Variants in ATP7B observed in about 807,000 individuals in gnomAD.
ATP7B encodes copper-transporting ATPase 2.
A neutral mutation model predicts 118.9 loss-of-function variants in ATP7B; 113 were observed. The ratio of observed to expected loss-of-function variants is 0.95; its 90% CI spans 0.82 to 1.11. The LOEUF is 1.11. Ranked by LOEUF, ATP7B falls within the 50% of genes most tolerant of loss-of-function variation. The pLI is 0.00. For synonymous variants in ATP7B, 777 were observed against 727.4 expected, an observed-to-expected ratio of 1.07 and a Z score of -1.10; for missense variants, 1,867 against 1,871.4, an observed-to-expected ratio of 1.00 and a Z score of 0.04.
chr13:51,957,478 G>C, intron 9 of ATP7B, 38 bp downstream of exon 9: 1 of 1,581,872 alleles, frequency 6.3e-7, no homozygotes, highest in Non-Finnish European at 8.7e-7. Context: ...CAGATTGATA[G>C]ATACCAACCA....
intron 11 of ATP7B, 63 bp downstream of exon 11, chr13:51,949,944 G>T: frequency 6.2e-7 from 1 of 1,613,054 alleles, no homozygotes; most frequent in Non-Finnish European, 8.5e-7. Context: ...TGATTTCCCA[G>T]AACTCTTCAC....
chr13:51,940,132 C>T (rs1957240716), intron 16 of ATP7B, among the ~76,000 whole-genome samples: 1 of 150,224 alleles, frequency 6.7e-6, no homozygotes, highest in African/African-American at 2.4e-5. Flanking sequence ...CCTGCCTCAG[C>T]CTCCCAAGTA....
At chr13:52,003,405 C>T (rs1953615205) in intron 1 of ATP7B, among the ~76,000 whole-genome samples, 1 of 152,122 alleles carries the variant, frequency 6.6e-6, no homozygotes, top group African/African-American at 2.4e-5. Context: ...AGAATGTACA[C>T]ATTTATAGAT....
chr13:51,996,983 G>A (rs1356458772), intron 1 of ATP7B, among the ~76,000 whole-genome samples: 1 of 152,228 alleles, frequency 6.6e-6, no homozygotes, highest in Admixed American at 6.5e-5. Flanking sequence ...TGATGCTAAA[G>A]GCCTTGAGCC....
chr13:51,937,327 T>G lies in ATP7B; in HGVS notation c.3970A>C (p.Asn1324His). The G allele has an allele frequency of 6.2e-7, 1 of 1,614,220 alleles. No individual in the cohort carries two copies. The highest frequency in any genetic ancestry group is 8.5e-7 in the Non-Finnish European group (1 of 1,180,038). The stretch of plus-strand genomic sequence containing the variant: ...TTATAAATCAGTGCCAGGACCAGGT[T>G]GATGCGTATCCTTCGGACAGTCCTC... ...SKRTVRRIRI[N>H]LVLALIYNLV... The change falls in exon 19 of 21, where the codon AAC becomes CAC. Residue 1324 changes from asparagine to histidine, a missense_variant. Coordinates refer to ENST00000242839, the MANE Select transcript of ATP7B (RefSeq NM_000053.4).
At chr13:51,989,555 TAAAAAC>T (rs2140346789) in intron 1 of ATP7B, among the ~76,000 whole-genome samples, 1 of 151,842 alleles carries the variant, frequency 6.6e-6, no homozygotes, top group East Asian at 1.9e-4. Flanking sequence ...TGAGTAAAAT[TAAAAAC>T]AAAATTAACA....
At chr13:51,987,237 C>G (rs150661149) in intron 1 of ATP7B, among the ~76,000 whole-genome samples, 1 of 152,174 alleles carries the variant, frequency 6.6e-6, no homozygotes, top group Non-Finnish European at 1.5e-5. Context: ...GATACAAAAT[C>G]AATGTGCAAA....
Position 51,937,367 on chromosome 13 carries a change from G to C in ATP7B, c.3930C>G (p.Ser1310Arg), listed in dbSNP as rs749380700. ...IRNDLLDVVA[S>R]IHLSKRTVRR... The stretch of plus-strand genomic sequence containing the variant: ...GGACAGTCCTCTTGGAAAGGTGAAT[G>C]CTAGCCACCACATCCAGCAAATCAT... Residue 1310 changes from serine (S) to arginine (R), a missense_variant, in exon 19 of 21, where the codon AGC becomes AGG. By Grantham distance (110) the Ser-to-Arg change is moderately radical. Transcript: ENST00000242839. 6.2e-7 allele frequency: 1 copy of C among 1,614,244 alleles called. No homozygotes were observed. Among genetic ancestry groups the C allele is most frequent in the Non-Finnish European group, 8.5e-7 (1 of 1,180,048 alleles).
intron 12 of ATP7B, among the ~76,000 whole-genome samples, chr13:51,948,579 C>T (rs191236338): frequency 2.0e-5 from 3 of 152,276 alleles, no homozygotes; most frequent in Non-Finnish European, 2.9e-5. Flanking sequence ...GTGCTACTGA[C>T]ATTTGGGGCC....
At chr13:51,941,054 CGGAA>C in intron 16 of ATP7B, 23 bp downstream of exon 16, 1 of 1,613,932 alleles carries the variant, frequency 6.2e-7, no homozygotes, top group Non-Finnish European at 8.5e-7. Flanking sequence ...TCTGAGAGAG[CGGAA>C]GGAAGGCAGA....
intron 1 of ATP7B, among the ~76,000 whole-genome samples, chr13:52,011,044 A>G (rs1954004791): frequency 6.6e-6 from 1 of 152,230 alleles, no homozygotes; most frequent in African/African-American, 2.4e-5. Context: ...CTCCAGCATC[A>G]GACCCCTTAA....
intron 5 of ATP7B, among the ~76,000 whole-genome samples, chr13:51,963,452 G>A (rs557587296): frequency 1.3e-5 from 2 of 152,014 alleles, no homozygotes; most frequent in African/African-American, 4.8e-5. Context: ...AAGCTTTCCC[G>A]GGGCTAGGCA....
intron 9 of ATP7B, among the ~76,000 whole-genome samples, chr13:51,956,037 G>C (rs537106349): frequency 6.6e-6 from 1 of 152,218 alleles, no homozygotes; most frequent in East Asian, 1.9e-4. Flanking sequence ...GCTGCCTCAC[G>C]GAACAGCTAC....
chr13:51,966,846 G>A, intron 4 of ATP7B: 8 of 1,613,230 alleles, frequency 5.0e-6, no homozygotes, highest in Non-Finnish European at 6.8e-6. Flanking sequence ...TGCAAAAAAT[G>A]GGCGCAATGG....
In ATP7B at chr13:51,950,352, T is replaced by C. The variant is rs1061472; in HGVS notation, c.2495A>G (p.Lys832Arg). The C allele has an allele frequency of 0.56, 907,251 of 1,613,790 alleles. 256,999 individuals are homozygous for C. The highest frequency in any genetic ancestry group is 0.63 in the Middle Eastern group (3,789 of 6,062). The change falls in exon 10 of 21, where the codon AAG becomes AGG. Residue 832 changes from lysine to arginine, a missense_variant. Physicochemically the swap from Lys to Arg is conservative, Grantham distance 26. Transcript: ENST00000242839. ...MELVQRGDIV[K>R]VVPGGKFPVD... ...TGGAAACTTTCCCCCAGGGACCACC[T>C]TGACGATATCGCCCCGCTGCACCAG...
chr13:51,969,275 C>T (rs535655441), intron 3 of ATP7B, among the ~76,000 whole-genome samples: 2 of 152,100 alleles, frequency 1.3e-5, no homozygotes, highest in South Asian at 4.2e-4. Context: ...TCTGACTAGT[C>T]GGTCTAGGAT....
rs111811672 is a variant in ATP7B at position 51,942,023 on chromosome 13, C to T, written c.3412+363G>A. Among the ~76,000 whole-genome samples, 1,192 of 152,280 alleles carry T rather than the reference C, an allele frequency of 7.8e-3. 5 individuals carry two copies. The highest frequency in any genetic ancestry group is 0.031 in the Middle Eastern group (9 of 294). The stretch of plus-strand genomic sequence containing the variant: ...CTCTGCTTTCCCTGACTTTTTCTGC[C>T]TGCTTTGTAAATACCAGAATTCTAC... On this transcript the variant is annotated intron_variant, in intron 15 of 20. Coordinates refer to ENST00000242839, the MANE Select transcript of ATP7B (RefSeq NM_000053.4).
intron 1 of ATP7B, among the ~76,000 whole-genome samples, chr13:51,996,205 A>C (rs1219835198): frequency 3.9e-5 from 6 of 152,192 alleles, no homozygotes; most frequent in African/African-American, 1.4e-4. Context: ...TGACTTCAGT[A>C]AGAACTGACT....
intron 5 of ATP7B, among the ~76,000 whole-genome samples, chr13:51,963,839 G>A (rs1958915588): frequency 6.6e-6 from 1 of 151,624 alleles, no homozygotes; most frequent in African/African-American, 2.4e-5. Flanking sequence ...CACCTAAGGT[G>A]TCAGGAGTTT....
Sources: gnomAD v4.1 joint callset for allele counts (sites outside exome capture counted in the v4.1 genomes callset) on GRCh38, gnomAD v4.1.1 for gene constraint, MANE v1.5 for transcripts, NCBI Gene and HGNC (gene_info 2026-07-23, HGNC 2026-07-21) for gene names.